Variants in GLRB observed in about 807,000 individuals in gnomAD.
GLRB encodes glycine receptor beta.
GLRB carries 33 observed loss-of-function variants against 54.2 expected under a neutral mutation model. The observed-to-expected ratio is 0.61, with a 90% CI of 0.46 to 0.81. The LOEUF (loss-of-function observed/expected upper bound fraction) is 0.81, where lower values mean the gene tolerates loss of function less well. Ranked by LOEUF, GLRB falls within the 40% of genes least tolerant of loss-of-function variation. GLRB has a pLI of 0.00. For missense variants in GLRB, 572 were observed against 584.6 expected (o/e 0.98, Z 0.22); for synonymous variants, 209 against 208.2 (o/e 1.00, Z -0.03).
intron 2 of GLRB, among the ~76,000 whole-genome samples, chr4:157,107,296 A>G (rs746659020): frequency 7.9e-5 from 12 of 152,130 alleles, no homozygotes; most frequent in Non-Finnish European, 1.5e-4. Context: ...CTCACTTTAA[A>G]CCAAAAGTTA....
intron 4 of GLRB, among the ~76,000 whole-genome samples, chr4:157,127,900 T>C (rs1273080832): frequency 1.3e-5 from 2 of 151,998 alleles, no homozygotes; most frequent in African/African-American, 4.8e-5. Flanking sequence ...ACTAAATGTG[T>C]GGTGCTTGAA....
chr4:157,103,323 C>T (rs1735106732), intron 2 of GLRB, among the ~76,000 whole-genome samples: 1 of 152,106 alleles, frequency 6.6e-6, no homozygotes, highest in Non-Finnish European at 1.5e-5. Context: ...GTAGTTATGG[C>T]TTGTGGAACA....
chr4:157,143,954 C>T lies in GLRB; in HGVS notation c.899C>T (p.Pro300Leu). The change falls in exon 8 of 10, where the codon CCC becomes CTC. Residue 300 changes from proline to leucine, a missense_variant. Pro to Leu is a moderately conservative substitution (Grantham distance 98). Transcript: ENST00000264428. ...INPDASAARV[P>L]LGIFSVLSLA... The stretch of plus-strand genomic sequence containing the variant: ...CCGGACGCGAGTGCTGCCAGAGTGC[C>T]CCTGGGTAAGGTGTTCCATGCTTTT... 1 of 1,613,870 alleles carries T rather than the reference C, an allele frequency of 6.2e-7. No individual in the cohort carries two copies. The highest frequency in any genetic ancestry group is 8.5e-7 in the Non-Finnish European group (1 of 1,179,898).
intron 9 of GLRB, among the ~76,000 whole-genome samples, chr4:157,157,604 C>A (rs978772249): frequency 9.2e-5 from 14 of 152,062 alleles, no homozygotes; most frequent in African/African-American, 3.4e-4. Flanking sequence ...GGTGTTCTGT[C>A]TTTGCGATAG....
intron 9 of GLRB, among the ~76,000 whole-genome samples, chr4:157,154,674 A>G (rs1383956179): frequency 2.6e-5 from 4 of 151,938 alleles, no homozygotes; most frequent in Non-Finnish European, 5.9e-5. Context: ...TGATCCGCCC[A>G]CATTGGCCTC....
intron 2 of GLRB, among the ~76,000 whole-genome samples, chr4:157,095,426 A>G (rs1301323837): frequency 6.6e-6 from 1 of 152,204 alleles, no homozygotes; most frequent in East Asian, 1.9e-4. Context: ...TGAGGTATCC[A>G]TTAGACATCA....
At chr4:157,146,315 G>A (rs144002908) in intron 8 of GLRB, among the ~76,000 whole-genome samples, 143 of 151,996 alleles carry the variant, frequency 9.4e-4, no homozygotes, top group African/African-American at 3.1e-3. Context: ...GCACCGGGCC[G>A]ATTTTAGTTT....
chr4:157,106,416 C>T lies in GLRB; in HGVS notation c.123-14140C>T, dbSNP rs558089132. Among the ~76,000 whole-genome samples the T allele has an allele frequency of 2.1e-4, 32 of 152,074 alleles. 1 individual carries two copies. In the South Asian group the frequency reaches 4.4e-3, roughly 21 times the overall value. Reference sequence around the variant, plus strand: ...TACAACAAGGAATATCTTGAGAGCTCGTAAAGCATTACCTTTGTGTGTGTC... The same window carrying T: ...TACAACAAGGAATATCTTGAGAGCTTGTAAAGCATTACCTTTGTGTGTGTC... On this transcript the variant is annotated intron_variant, in intron 2 of 9. Coordinates refer to ENST00000264428, the MANE Select transcript of GLRB (RefSeq NM_000824.5).
intron 4 of GLRB, among the ~76,000 whole-genome samples, chr4:157,123,216 G>A (rs1184473138): frequency 1.3e-5 from 2 of 151,644 alleles, no homozygotes; most frequent in Non-Finnish European, 2.9e-5. Context: ...TTATTTTCCT[G>A]TATTTTTGGG....
chr4:157,120,617 A>C lies in GLRB; in HGVS notation c.184A>C (p.Arg62=). 1.3e-6 allele frequency: 2 copies of C among 1,599,766 alleles called. No individual in the cohort carries two copies. Among genetic ancestry groups the C allele is most frequent in the Non-Finnish European group, 1.7e-6 (2 of 1,169,252 alleles). ...PANSTSNILN[R]LLVSYDPRIR... ...CAACTCCACTAGCAATATCTTGAAC[A>C]GGTTATTGGTCAGTTATGATCCCAG... Residue 62 remains arginine, a synonymous_variant, in exon 3 of 10, where the codon AGG becomes CGG. Transcript: ENST00000264428.
chr4:157,102,362 T>C (rs1487653623), intron 2 of GLRB, among the ~76,000 whole-genome samples: 2 of 152,174 alleles, frequency 1.3e-5, no homozygotes, highest in Non-Finnish European at 2.9e-5. Context: ...CCCCAGCCTC[T>C]GCAAACCACC....
At chr4:157,160,547 GT>G (rs1227273269) in intron 9 of GLRB, among the ~76,000 whole-genome samples, 2 of 151,846 alleles carry the variant, frequency 1.3e-5, no homozygotes, top group African/African-American at 4.8e-5. Flanking sequence ...GTTCTCGTTG[GT>G]TTCAAAGAAC....
intron 8 of GLRB, 86 bp downstream of exon 8, chr4:157,144,045 T>TTC: frequency 1.5e-6 from 2 of 1,356,264 alleles, no homozygotes; most frequent in Non-Finnish European, 2.1e-6. Flanking sequence ...TTTGAAACAA[T>TTC]GAGTTTTAGA....
At chr4:157,169,430 G>A (rs935123922) in intron 9 of GLRB, among the ~76,000 whole-genome samples, 1 of 152,070 alleles carries the variant, frequency 6.6e-6, no homozygotes, top group African/African-American at 2.4e-5. Context: ...AGAGAGTTCA[G>A]CATAAAATAT....
chr4:157,146,307 A>G (rs1736807063), intron 8 of GLRB, among the ~76,000 whole-genome samples: 1 of 151,700 alleles, frequency 6.6e-6, no homozygotes, highest in African/African-American at 2.4e-5. Flanking sequence ...GAGCCACTGC[A>G]CCGGGCCGAT....
At chr4:157,115,315 T>A (rs1579210275) in intron 2 of GLRB, among the ~76,000 whole-genome samples, 1 of 147,580 alleles carries the variant, frequency 6.8e-6, no homozygotes. Flanking sequence ...ACCTGCTCTT[T>A]AAAAAAAAAT....
intron 8 of GLRB, 117 bp downstream of exon 8, chr4:157,144,076 G>A: frequency 9.5e-7 from 1 of 1,054,634 alleles, no homozygotes; most frequent in Non-Finnish European, 1.5e-6. Flanking sequence ...ACCAATTTCG[G>A]TGTTTAAAGA....
intron 2 of GLRB, among the ~76,000 whole-genome samples, chr4:157,101,946 G>T (rs902889861): frequency 2.0e-5 from 3 of 151,968 alleles, no homozygotes; most frequent in Non-Finnish European, 4.4e-5. Context: ...ACTTTTTATC[G>T]TGTCATGTGC....
intron 2 of GLRB, among the ~76,000 whole-genome samples, chr4:157,102,605 TAAG>T (rs1413556476): frequency 6.6e-6 from 1 of 152,132 alleles, no homozygotes; most frequent in Non-Finnish European, 1.5e-5. Context: ...ACCTTTATTT[TAAG>T]AAGGAGATTA....
Sources: allele counts gnomAD v4.1 joint callset (sites outside exome capture counted in the v4.1 genomes callset), GRCh38; gene constraint gnomAD v4.1.1; transcripts MANE v1.5; gene names NCBI Gene and HGNC (gene_info 2026-07-23, HGNC 2026-07-21).